Variants in SH2D1A observed in about 807,000 individuals in gnomAD.
SH2D1A encodes SH2 domain containing 1A.
A neutral mutation model predicts 10.1 loss-of-function variants in SH2D1A; 6 were observed. That is an observed-to-expected ratio of 0.60 (90% CI 0.33 to 1.18). The LOEUF (loss-of-function observed/expected upper bound fraction) is 1.18, where lower values mean the gene tolerates loss of function less well. Ranked by LOEUF, SH2D1A falls within the 50% of genes most tolerant of loss-of-function variation. The pLI is 0.04. For missense variants in SH2D1A, 51 were observed against 97.6 expected, an observed-to-expected ratio of 0.52 and a Z score of 2.01; for synonymous variants, 42 against 36.9, an observed-to-expected ratio of 1.14 and a Z score of -0.51.
intron 1 of SH2D1A, 100 bp downstream of exon 1, chrX:124,346,879 G>A: frequency 9.9e-7 from 1 of 1,015,072 alleles, no homozygotes; most frequent in Non-Finnish European, 1.4e-6. Flanking sequence ...GGGCGCCGGC[G>A]TTAGCAGCTC....
chrX:124,365,968 T>C, intron 2 of SH2D1A, 144 bp downstream of exon 2: 4 of 462,953 alleles, frequency 8.6e-6, no homozygotes, highest in Non-Finnish European at 1.5e-5. Context: ...TGTTCATGGA[T>C]CATTAAGAAA....
rs967018734 is a variant in SH2D1A, at chrX:124,372,884, A to T, written c.*1493A>T. 3.8e-5 allele frequency: 6 copies of T among 157,308 alleles called. No homozygotes were observed. The highest frequency in any genetic ancestry group is 1.8e-4 in the African/African-American group (6 of 32,922). 13.0% of individuals were successfully genotyped at this position (157,308 alleles called of 1,213,427 possible). On this transcript the variant is annotated 3_prime_UTR_variant, in exon 4 of 4. Coordinates refer to ENST00000371139, the MANE Select transcript of SH2D1A (RefSeq NM_002351.5). Reference sequence around the variant, plus strand: ...ATTATGGGTGGTTTACCATTTCTTGAGGTAAAAGCATCACATGAACTTGTA... The same window carrying T: ...ATTATGGGTGGTTTACCATTTCTTGTGGTAAAAGCATCACATGAACTTGTA...
At chrX:124,355,110 G>C (rs746939719) in intron 1 of SH2D1A, among the ~76,000 whole-genome samples, 1 of 112,626 alleles carries the variant, frequency 8.9e-6, no homozygotes, top group Admixed American at 9.4e-5. Context: ...AGACGTAGAG[G>C]GCATAGGTAC....
At chrX:124,355,261 A>G (rs1258528977) in intron 1 of SH2D1A, among the ~76,000 whole-genome samples, 6 of 91,407 alleles carry the variant, frequency 6.6e-5, no homozygotes, top group African/African-American at 2.5e-4. Flanking sequence ...ACACTGACCC[A>G]CTGAGAAAAT....
intron 1 of SH2D1A, among the ~76,000 whole-genome samples, chrX:124,361,461 T>C (rs1413664501): frequency 1.8e-5 from 2 of 111,930 alleles, no homozygotes; most frequent in Non-Finnish European, 3.8e-5. Flanking sequence ...AGGAGGAGTA[T>C]TGCTGTAACA....
At chrX:124,361,133 G>A (rs2060039444) in intron 1 of SH2D1A, among the ~76,000 whole-genome samples, 1 of 111,716 alleles carries the variant, frequency 9.0e-6, no homozygotes. Flanking sequence ...GCTTGTATTT[G>A]GAGATAGGAC....
At chrX:124,350,164 TA>T (rs1212874299) in intron 1 of SH2D1A, among the ~76,000 whole-genome samples, 2 of 71,986 alleles carry the variant, frequency 2.8e-5, no homozygotes, top group African/African-American at 1.1e-4. Context: ...TATTTATATA[TA>T]TATAAATATC....
At chrX:124,364,536 G>A (rs1004936681) in intron 1 of SH2D1A, 1 of 192,069 alleles carries the variant, frequency 5.2e-6, no homozygotes, top group South Asian at 6.9e-5. Flanking sequence ...AGACAATCTC[G>A]CTCCGTCACC....
chrX:124,366,584 G>T (rs1052828764), intron 2 of SH2D1A, among the ~76,000 whole-genome samples: 2 of 111,112 alleles, frequency 1.8e-5, no homozygotes, highest in Non-Finnish European at 3.8e-5. Flanking sequence ...ACTTCAAGAA[G>T]TTAAAATAGC....
chrX:124,369,030 G>T (rs1345371497), intron 2 of SH2D1A, among the ~76,000 whole-genome samples: 3 of 111,037 alleles, frequency 2.7e-5, no homozygotes, highest in Non-Finnish European at 3.8e-5. Context: ...GAGCTAAAAA[G>T]AATTTTTGTC....
intron 2 of SH2D1A, among the ~76,000 whole-genome samples, chrX:124,366,479 G>T (rs997001372): frequency 9.0e-6 from 1 of 111,308 alleles, no homozygotes; most frequent in Non-Finnish European, 1.9e-5. Context: ...ACAAGGCCTG[G>T]CACACAGTGA....
rs763332363 is a variant in SH2D1A, at chrX:124,347,443, A to G, written c.137+664A>G. Among the ~76,000 whole-genome samples the G allele has an allele frequency of 2.7e-5, 3 of 111,629 alleles. No individual in the cohort carries two copies. In the South Asian group the frequency reaches 1.1e-3, roughly 43 times the overall value. On this transcript the variant is annotated intron_variant, in intron 1 of 3. Coordinates refer to ENST00000371139, the MANE Select transcript of SH2D1A (RefSeq NM_002351.5). ...CAATAGTCTTAAAGGGAATGGAGGG[A>G]AAACACCCTTGTTATGATTCAGCTT...
chrX:124,371,304 A>G, intron 3 of SH2D1A, 47 bp from the exon 4 acceptor site: 1 of 886,910 alleles, frequency 1.1e-6, no homozygotes, highest in Non-Finnish European at 1.6e-6. Flanking sequence ...TGTAATTTTA[A>G]TAGTTTGTAA....
chrX:124,371,316 T>C, intron 3 of SH2D1A, 35 bp from the exon 4 acceptor site: 1 of 989,312 alleles, frequency 1.0e-6, no homozygotes, highest in Non-Finnish European at 1.4e-6. Flanking sequence ...AGTTTGTAAG[T>C]TTATTTTTTC....
At chrX:124,347,593 G>A (rs1464373160) in intron 1 of SH2D1A, among the ~76,000 whole-genome samples, 1 of 111,173 alleles carries the variant, frequency 9.0e-6, no homozygotes, top group Non-Finnish European at 1.9e-5. Context: ...CAGATGTTAG[G>A]TTTGTGACTT....
intron 1 of SH2D1A, among the ~76,000 whole-genome samples, chrX:124,365,416 T>C (rs1395923155): frequency 7.2e-5 from 8 of 110,796 alleles, no homozygotes; most frequent in African/African-American, 2.6e-4. Context: ...AATAAGTCTA[T>C]TGTTTGTTAA....
intron 1 of SH2D1A, among the ~76,000 whole-genome samples, chrX:124,354,821 G>T (rs1234733708): frequency 8.9e-6 from 1 of 112,265 alleles, no homozygotes; most frequent in East Asian, 2.8e-4. Context: ...TTCAGGGGAA[G>T]AAGTGGTTAT....
chrX:124,363,787 G>A (rs1211354176), intron 1 of SH2D1A, among the ~76,000 whole-genome samples: 14 of 106,634 alleles, frequency 1.3e-4, no homozygotes, highest in African/African-American at 4.5e-4. Context: ...TCAGCTACTC[G>A]GGAGGCTGAA....
At chrX:124,350,985 TTATA>T (rs1317190426) in intron 1 of SH2D1A, among the ~76,000 whole-genome samples, 2 of 41,975 alleles carry the variant, frequency 4.8e-5, no homozygotes, top group Non-Finnish European at 7.0e-5. Flanking sequence ...ATATAATATA[TTATA>T]TATATATTAT....
Sources: allele counts gnomAD v4.1 joint callset (sites outside exome capture counted in the v4.1 genomes callset), GRCh38; gene constraint gnomAD v4.1.1; transcripts MANE v1.5; gene names NCBI Gene and HGNC (gene_info 2026-07-23, HGNC 2026-07-21).